The following FRMPD2 variants were observed in gnomAD, a reference collection of about 807,000 sequenced individuals.
FRMPD2 encodes the protein FERM and PDZ domain-containing protein 2.
Under a neutral mutation model 140.1 loss-of-function variants are expected in FRMPD2, and 96 were observed. That is an observed-to-expected ratio of 0.69 (90% CI 0.58 to 0.81). FRMPD2 has a LOEUF of 0.81. FRMPD2 is among the 40% of genes least tolerant of loss of function. FRMPD2 has a pLI of 0.00. For missense variants in FRMPD2, 1,240 were observed against 1,447.4 expected, an observed-to-expected ratio of 0.86 and a Z score of 2.32; for synonymous variants, 449 against 547.6, an observed-to-expected ratio of 0.82 and a Z score of 2.52.
intron 12 of FRMPD2, among the ~76,000 whole-genome samples, chr10:48,214,421 G>T (rs1839398259): frequency 6.6e-6 from 1 of 152,138 alleles, no homozygotes; most frequent in African/African-American, 2.4e-5. Flanking sequence ...TAAACTATGA[G>T]CTCTCAGTGG....
At chr10:48,177,715 T>A (rs1838445666) in intron 22 of FRMPD2, 1 of 216,614 alleles carries the variant, frequency 4.6e-6, no homozygotes, top group African/African-American at 2.2e-5. Context: ...TTCTTACCTT[T>A]AGCTTGTGTC....
At chr10:48,241,065 G>T (rs1382445871) in intron 5 of FRMPD2, among the ~76,000 whole-genome samples, 1 of 150,450 alleles carries the variant, frequency 6.6e-6, no homozygotes, top group Non-Finnish European at 1.5e-5. Flanking sequence ...GCACACCAGT[G>T]GATGGTAGAC....
intron 13 of FRMPD2, among the ~76,000 whole-genome samples, chr10:48,209,997 T>C (rs553507311): frequency 6.6e-6 from 1 of 152,296 alleles, no homozygotes; most frequent in African/African-American, 2.4e-5. Flanking sequence ...AAGCTAATTT[T>C]AAATATATAT....
intron 1 of FRMPD2, among the ~76,000 whole-genome samples, chr10:48,273,993 T>C (rs1454266765): frequency 6.6e-6 from 1 of 152,250 alleles, no homozygotes; most frequent in East Asian, 1.9e-4. Context: ...CATTGTTTTC[T>C]GGAAGTCAGC....
chr10:48,189,276 C>T (rs1027444034), intron 16 of FRMPD2, among the ~76,000 whole-genome samples: 4 of 152,128 alleles, frequency 2.6e-5, no homozygotes, highest in African/African-American at 7.2e-5. Context: ...AGGGTACTGC[C>T]CTAACTGGAG....
intron 23 of FRMPD2, 71 bp from the exon 24 acceptor site, chr10:48,175,026 C>G (rs1385725936): frequency 1.5e-6 from 1 of 666,000 alleles, no homozygotes; most frequent in African/African-American, 1.9e-5. Flanking sequence ...CCAGGAGGCC[C>G]CTGCCCGGCA....
chr10:48,237,740 G>T (rs1026040008), intron 8 of FRMPD2, among the ~76,000 whole-genome samples: 2 of 152,098 alleles, frequency 1.3e-5, no homozygotes, highest in African/African-American at 4.8e-5. Flanking sequence ...TTCCTCTAGG[G>T]TGGGACCCAG....
intron 2 of FRMPD2, among the ~76,000 whole-genome samples, chr10:48,251,356 C>T (rs551171743): frequency 1.3e-5 from 2 of 152,386 alleles, no homozygotes; most frequent in South Asian, 4.1e-4. Context: ...GTCCAAGAGT[C>T]AGGCCTGCCC....
chr10:48,176,502 T>G (rs1793991710), intron 22 of FRMPD2, among the ~76,000 whole-genome samples: 1 of 151,960 alleles, frequency 6.6e-6, no homozygotes, highest in Non-Finnish European at 1.5e-5. Context: ...TTAATTTAAT[T>G]TGTATTCCTG....
At chr10:48,240,657 C>T (rs1242535501) in intron 5 of FRMPD2, among the ~76,000 whole-genome samples, 165 bp from the exon 6 acceptor site, 1 of 152,154 alleles carries the variant, frequency 6.6e-6, no homozygotes, top group African/African-American at 2.4e-5. Context: ...TGTGCCCACC[C>T]CCTGCATGCA....
intron 15 of FRMPD2, among the ~76,000 whole-genome samples, chr10:48,194,163 A>G (rs1290975391): frequency 6.6e-6 from 1 of 152,240 alleles, no homozygotes. Flanking sequence ...GGTGGGAAGC[A>G]CATTATCTGC....
rs998496315 is a variant in FRMPD2 at position 48,245,889 on chromosome 10, C to T, written c.310-1040G>A. On this transcript the variant is annotated intron_variant, in intron 3 of 28. Transcript: ENST00000374201. ...TAATGAAACATTGCATGTAAAAACA[C>T]ACAGTTATTTGAGCCCCCCACTTGG... 3.3e-5 allele frequency among the ~76,000 whole-genome samples: 5 copies of T among 152,202 alleles called. No individual in the cohort carries two copies. The South Asian group carries it at 8.3e-4, about 25-fold the overall frequency.
chr10:48,229,490 T>G (rs1270326889), intron 10 of FRMPD2, among the ~76,000 whole-genome samples: 1 of 152,118 alleles, frequency 6.6e-6, no homozygotes, highest in African/African-American at 2.4e-5. Flanking sequence ...AAAGGATATG[T>G]CCCTCACCTT....
chr10:48,184,992 T>C (rs1838644586), intron 18 of FRMPD2, 111 bp from the exon 19 acceptor site: 6 of 709,120 alleles, frequency 8.5e-6, no homozygotes, highest in Non-Finnish European at 1.4e-5. Flanking sequence ...CATTAGCTGA[T>C]AGTTACAGTC....
chr10:48,195,746 G>T (rs1588821973), intron 15 of FRMPD2, among the ~76,000 whole-genome samples: 1 of 152,194 alleles, frequency 6.6e-6, no homozygotes, highest in African/African-American at 2.4e-5. Context: ...AATGGGAAGG[G>T]TTCAGTAAAT....
At chr10:48,197,028 G>C (rs1838970691) in intron 15 of FRMPD2, among the ~76,000 whole-genome samples, 1 of 152,188 alleles carries the variant, frequency 6.6e-6, no homozygotes, top group South Asian at 2.1e-4. Flanking sequence ...ATTTACATTT[G>C]TCATCTCCAG....
Position 48,239,704 on chromosome 10 carries a change from G to A in FRMPD2, c.701-12C>T. ...GCTTCTTTCTGAAACTAATCAAGCAGCATGGTAGAGGGTATGGGCAGAAGC... is the reference window on the plus strand; with the variant it reads ...GCTTCTTTCTGAAACTAATCAAGCAACATGGTAGAGGGTATGGGCAGAAGC... On this transcript the variant is annotated splice_polypyrimidine_tract_variant and intron_variant, in intron 6 of 28. Transcript: ENST00000374201. 1.2e-6 allele frequency: 2 copies of A among 1,607,522 alleles called. No homozygotes were observed. Among genetic ancestry groups the A allele is most frequent in the Non-Finnish European group, 1.7e-6 (2 of 1,174,440 alleles).
At position 48,206,785 on chromosome 10, in the gene FRMPD2, C is replaced by T. The variant is rs537706878; in HGVS notation, c.1760G>A (p.Arg587Gln). The T allele has an allele frequency of 1.0e-4, 167 of 1,614,054 alleles. No homozygotes were observed. The highest frequency in any genetic ancestry group is 8.3e-4 in the South Asian group (76 of 91,060). Reference sequence around the variant, plus strand: ...CTTCCCGGTTTCTCTCCACTGAAACCGTAACATTGCAATTCTGCTGTTGTT... The same window carrying T: ...CTTCCCGGTTTCTCTCCACTGAAACTGTAACATTGCAATTCTGCTGTTGTT... ...VKNNSRIAML[R>Q]FQWRETGKIS... The change falls in exon 14 of 29, where the codon CGG becomes CAG. Residue 587 changes from arginine to glutamine, a missense_variant. Physicochemically the swap from Arg to Gln is conservative, Grantham distance 43. Transcript: ENST00000374201.
At position 48,206,879 on chromosome 10, in the gene FRMPD2, T is replaced by A; in HGVS notation, c.1666A>T (p.Lys556Ter). Reference sequence around the variant, plus strand: ...GCCATCTCCTCTTCTGGCCTCCTCTTCTCTGAGAATACTTGGTGAACCAGC... The same window carrying A: ...GCCATCTCCTCTTCTGGCCTCCTCTACTCTGAGAATACTTGGTGAACCAGC... Reference protein sequence around the residue: ...GVLVHQVFSEKRRPEEEMALG... With the variant: ...GVLVHQVFSE Residue 556 changes from lysine (K) to a stop codon, truncating the protein, a stop_gained, in exon 14 of 29, where the codon AAG becomes TAG. Transcript: ENST00000374201. LOFTEE classifies it high-confidence loss of function. 6.2e-7 allele frequency: 1 copy of A among 1,614,076 alleles called. No individual in the cohort carries two copies. Among genetic ancestry groups the A allele is most frequent in the Non-Finnish European group, 8.5e-7 (1 of 1,179,956 alleles).
Sources: gnomAD v4.1 joint callset for allele counts (sites outside exome capture counted in the v4.1 genomes callset) on GRCh38, gnomAD v4.1.1 for gene constraint, MANE v1.5 for transcripts, NCBI Gene and HGNC (gene_info 2026-07-23, HGNC 2026-07-21) for gene names.